The following F2 variants were observed in gnomAD, a reference collection of about 807,000 sequenced individuals.
F2 encodes coagulation factor II, thrombin.
A neutral mutation model predicts 81.9 loss-of-function variants in F2; 34 were observed. The ratio of observed to expected loss-of-function variants is 0.42; its 90% CI spans 0.32 to 0.55. The LOEUF (loss-of-function observed/expected upper bound fraction) is 0.55. Among genes scored for constraint, F2 ranks in the 20% least tolerant of loss-of-function variants. The probability of loss-of-function intolerance (pLI) is 0.18; values close to 1 mark genes in which losing one functional copy is unlikely to be tolerated. For missense variants in F2, 630 were observed against 833.4 expected (o/e 0.76, Z 3.00); for synonymous variants, 296 against 326.4 (o/e 0.91, Z 1.01).
intron 6 of F2, among the ~76,000 whole-genome samples, chr11:46,725,069 C>CCT (rs1272915413): frequency 1.3e-4 from 14 of 106,248 alleles, no homozygotes; most frequent in African/African-American, 6.2e-4. Flanking sequence ...TGCGCCCGGC[C>CCT]TTTTTTTTTT....
chr11:46,734,008 G>A (rs926697638), intron 12 of F2, among the ~76,000 whole-genome samples: 12 of 151,648 alleles, frequency 7.9e-5, no homozygotes, highest in African/African-American at 2.7e-4. Flanking sequence ...GGCTGGTCTC[G>A]AACTCCTTAC....
At position 46,719,720 on chromosome 11, in the gene F2, A is replaced by C. The variant is rs1234951610; in HGVS notation, c.98A>C (p.Gln33Pro). The C allele has an allele frequency of 1.3e-6, 2 of 1,593,474 alleles. No homozygotes were observed. The highest frequency in any genetic ancestry group is 1.7e-6 in the Non-Finnish European group (2 of 1,171,370). ...HSQHVFLAPQQARSLLQRVRR... is the reference protein window; with the variant it reads ...HSQHVFLAPQPARSLLQRVRR... ...CTTACAGTGTTCCTGGCTCCTCAGC[A>C]AGCACGGTCGCTGCTCCAGCGGGTC... Residue 33 changes from glutamine to proline, a missense_variant, in exon 2 of 14, where the codon CAA becomes CCA. By Grantham distance (76) the Gln-to-Pro change is moderately conservative (BLOSUM62 -1). Coordinates refer to ENST00000311907, the MANE Select transcript of F2 (RefSeq NM_000506.5). The surrounding 1 kb of genome is among the most constrained non-coding windows in gnomAD (Gnocchi z 4.7).
At position 46,723,238 on chromosome 11, in the gene F2, A is replaced by G. The variant is rs2064849165; in HGVS notation, c.375A>G (p.Ser125=). The G allele has an allele frequency of 2.5e-6, 4 of 1,614,154 alleles. No homozygotes were observed. In the African/African-American group the frequency reaches 4.0e-5, roughly 16 times the overall value. The part of the protein sequence containing the change: ...NYRGHVNITR[S]GIECQLWRSR... ...GAGGGCATGTGAACATCACCCGGTC[A>G]GGCATTGAGTGCCAGCTATGGAGGA... The change falls in exon 5 of 14, where the codon TCA becomes TCG. Residue 125 remains serine, a synonymous_variant. Coordinates refer to ENST00000311907, the MANE Select transcript of F2 (RefSeq NM_000506.5). This position sits in a 1 kb window ranked among gnomAD's most constrained non-coding sequence, Gnocchi z 5.6.
intron 11 of F2, 121 bp from the exon 12 acceptor site, chr11:46,729,259 C>CG (rs1382365388): frequency 8.8e-7 from 1 of 1,133,594 alleles, no homozygotes; most frequent in East Asian, 2.5e-5. Context: ...AGACCACAGG[C>CG]GTGAACGTCT....
intron 12 of F2, among the ~76,000 whole-genome samples, chr11:46,735,923 C>T (rs1014155507): frequency 6.3e-5 from 9 of 142,906 alleles, no homozygotes; most frequent in East Asian, 2.1e-4. Context: ...AACTCCGTTT[C>T]GCCAGGTGCG....
Position 46,719,223 on chromosome 11 carries a change from G to A in F2, c.-13G>A. On this transcript the variant is annotated 5_prime_UTR_variant, in exon 1 of 14. Coordinates refer to ENST00000311907, the MANE Select transcript of F2 (RefSeq NM_000506.5). This position sits in a 1 kb window ranked among gnomAD's most constrained non-coding sequence, Gnocchi z 4.7. ...GACAGACAATTCCTCAGTGACCCAGGAGCTGACACACTATGGCGCACGTCC... is the reference window on the plus strand; with the variant it reads ...GACAGACAATTCCTCAGTGACCCAGAAGCTGACACACTATGGCGCACGTCC... 6.2e-7 allele frequency: 1 copy of A among 1,613,740 alleles called. No individual in the cohort carries two copies. Among genetic ancestry groups the A allele is most frequent in the Non-Finnish European group, 8.5e-7 (1 of 1,179,978 alleles).
At position 46,723,273 on chromosome 11, in the gene F2, C is replaced by T; in HGVS notation, c.410C>T (p.Pro137Leu). 1 of 1,614,094 alleles carries T rather than the reference C, an allele frequency of 6.2e-7. No homozygotes were observed. The highest frequency in any genetic ancestry group is 8.5e-7 in the Non-Finnish European group (1 of 1,180,006). Residue 137 changes from proline (P) to leucine (L), a missense_variant, in exon 5 of 14, where the codon CCA becomes CTA. Physicochemically the swap from Pro to Leu is moderately conservative, Grantham distance 98. Coordinates refer to ENST00000311907, the MANE Select transcript of F2 (RefSeq NM_000506.5). This position sits in a 1 kb window ranked among gnomAD's most constrained non-coding sequence, Gnocchi z 5.6. ...TGCCAGCTATGGAGGAGTCGCTACC[C>T]ACATAAGCCTGAGTGAGTGAGGGGC... ...IECQLWRSRY[P>L]HKPEINSTTH...
chr11:46,723,762 CGCCTGT>C lies in F2; in HGVS notation c.559+245_559+250del, dbSNP rs2064854562. Among the ~76,000 whole-genome samples, 2 of 152,098 alleles carry C rather than the reference CGCCTGT, an allele frequency of 1.3e-5. No individual in the cohort carries two copies. Among genetic ancestry groups the C allele is most frequent in the Admixed American group, 1.3e-4 (2 of 15,258 alleles). On this transcript the variant is annotated intron_variant, in intron 6 of 13. Transcript: ENST00000311907. The surrounding 1 kb of genome is among the most constrained non-coding windows in gnomAD (Gnocchi z 5.6). ...AAAAATTGCCAGGCGTGGTGGTGGGCGCCTGTAATCCCAACTACTCTGGAGGCTGAG... is the reference window on the plus strand; with the variant it reads ...AAAAATTGCCAGGCGTGGTGGTGGGCAATCCCAACTACTCTGGAGGCTGAG...
At position 46,728,252 on chromosome 11, in the gene F2, G is replaced by A; in HGVS notation, c.1298+89G>A. ...GGCCCTGGTGGCTCCGGGACACATAGGATGTTCTGTATACCCCCCAGAATA... is the reference window on the plus strand; with the variant it reads ...GGCCCTGGTGGCTCCGGGACACATAAGATGTTCTGTATACCCCCCAGAATA... On this transcript the variant is annotated intron_variant, in intron 10 of 13. Transcript: ENST00000311907. The surrounding 1 kb of genome is among the most constrained non-coding windows in gnomAD (Gnocchi z 5.1). 1 of 1,383,274 alleles carries A rather than the reference G, an allele frequency of 7.2e-7. No individual in the cohort carries two copies. Among genetic ancestry groups the A allele is most frequent in the Non-Finnish European group, 1.0e-6 (1 of 995,674 alleles). 85.7% of individuals were successfully genotyped at this position (1,383,274 alleles called of 1,614,324 possible).
At position 46,719,691 on chromosome 11, in the gene F2, C is replaced by T; in HGVS notation, c.80-11C>T. On this transcript the variant is annotated splice_polypyrimidine_tract_variant and intron_variant, in intron 1 of 13. Transcript: ENST00000311907. This position sits in a 1 kb window ranked among gnomAD's most constrained non-coding sequence, Gnocchi z 4.7. The stretch of plus-strand genomic sequence containing the variant: ...AGGCCGCTGTCCCATGACCCCCCCA[C>T]CGCCTTACAGTGTTCCTGGCTCCTC... 1 of 1,583,246 alleles carries T rather than the reference C, an allele frequency of 6.3e-7. No homozygotes were observed. Among genetic ancestry groups the T allele is most frequent in the Non-Finnish European group, 8.6e-7 (1 of 1,165,856 alleles).
chr11:46,721,820 A>T (rs1223051676), intron 4 of F2, among the ~76,000 whole-genome samples: 1 of 149,636 alleles, frequency 6.7e-6, no homozygotes, highest in Non-Finnish European at 1.5e-5. Flanking sequence ...GTGAGCCACC[A>T]TGCCTGGCTG....
chr11:46,723,202 T>C lies in F2; in HGVS notation c.339T>C (p.Gly113=), dbSNP rs775663768. The C allele has an allele frequency of 1.9e-6, 3 of 1,613,716 alleles. No individual in the cohort carries two copies. In the African/African-American group the frequency reaches 4.0e-5, roughly 22 times the overall value. Residue 113 remains glycine, a synonymous_variant, in exon 5 of 14, where the codon GGT becomes GGC. Coordinates refer to ENST00000311907, the MANE Select transcript of F2 (RefSeq NM_000506.5). This position sits in a 1 kb window ranked among gnomAD's most constrained non-coding sequence, Gnocchi z 5.6. ...CAGGTAACTGTGCTGAGGGTCTGGG[T>C]ACGAACTACCGAGGGCATGTGAACA... ...CLEGNCAEGL[G]TNYRGHVNIT...
intron 12 of F2, among the ~76,000 whole-genome samples, chr11:46,736,559 A>C (rs1483624023): frequency 1.3e-5 from 2 of 152,102 alleles, no homozygotes; most frequent in African/African-American, 4.8e-5. Flanking sequence ...TGGCCTCCCA[A>C]AGTGTTGGGA....
intron 4 of F2, chr11:46,722,974 G>A (rs2064846791): frequency 4.5e-6 from 3 of 667,506 alleles, no homozygotes; most frequent in South Asian, 3.3e-5. Context: ...GACAGTGCCT[G>A]TCATATGGTA....
chr11:46,728,640 A>G lies in F2; in HGVS notation c.1299-24A>G. 6.2e-7 allele frequency: 1 copy of G among 1,613,490 alleles called. No individual in the cohort carries two copies. ...TGCTGGGTGAACCTGCAGCTTCTCC[A>G]TTTCTTTCTTGGGGTCTCTGCAGGT... On this transcript the variant is annotated intron_variant, in intron 10 of 13. Coordinates refer to ENST00000311907, the MANE Select transcript of F2 (RefSeq NM_000506.5). The surrounding 1 kb of genome is among the most constrained non-coding windows in gnomAD (Gnocchi z 5.1).
chr11:46,734,775 C>T (rs543199030), intron 12 of F2, among the ~76,000 whole-genome samples: 1 of 152,232 alleles, frequency 6.6e-6, no homozygotes, highest in South Asian at 2.1e-4. Context: ...CGTGCCGCTG[C>T]ACTCCAGCCT....
In F2 at chr11:46,723,514, C is replaced by A. The variant is rs994858528; in HGVS notation, c.555C>A (p.Val185=). The A allele has an allele frequency of 7.4e-6, 12 of 1,611,470 alleles. No homozygotes were observed. Among genetic ancestry groups the A allele is most frequent in the Non-Finnish European group, 1.0e-5 (12 of 1,178,740 alleles). The change falls in exon 6 of 14, where the codon GTC becomes GTA. Residue 185 remains valine, a synonymous_variant. Transcript: ENST00000311907. This position sits in a 1 kb window ranked among gnomAD's most constrained non-coding sequence, Gnocchi z 5.6. ...TVRRQECSIP[V]CGQDQVTVAM... Reference sequence around the variant, plus strand: ...GGAGGCAGGAATGCAGCATCCCTGTCTGTGGTAAGCTGGGGGCAGTGGGGC... The same window carrying A: ...GGAGGCAGGAATGCAGCATCCCTGTATGTGGTAAGCTGGGGGCAGTGGGGC...
At chr11:46,739,166 TGG>T in intron 13 of F2, 48 bp downstream of exon 13, 1 of 1,613,492 alleles carries the variant, frequency 6.2e-7, no homozygotes, top group South Asian at 1.1e-5. Flanking sequence ...CTTCTGGGGG[TGG>T]GGAGAAACTC....
intron 2 of F2, chr11:46,720,095 G>C (rs2064827107): frequency 1.6e-6 from 1 of 618,216 alleles, no homozygotes; most frequent in South Asian, 1.9e-5. Flanking sequence ...GGCCTCCACA[G>C]TCTTCAGACA....
Sources: allele counts gnomAD v4.1 joint callset (sites outside exome capture counted in the v4.1 genomes callset), GRCh38; gene constraint gnomAD v4.1.1; non-coding constraint Gnocchi (gnomAD v3.1); transcripts MANE v1.5; gene names NCBI Gene and HGNC (gene_info 2026-07-23, HGNC 2026-07-21).